PHF11: variants seen among roughly 807,000 people sequenced by gnomAD.
PHF11 encodes the protein PHD finger protein 11, also known as BRCA1 C-terminus-associated protein.
A neutral mutation model predicts 40.5 loss-of-function variants in PHF11; 38 were observed. The observed-to-expected ratio is 0.94, with a 90% confidence interval of 0.72 to 1.23. The LOEUF is 1.23. Ranked by LOEUF, PHF11 falls within the 50% of genes most tolerant of loss-of-function variation. PHF11 has a pLI of 0.00. For missense variants in PHF11, 369 were observed against 392.4 expected (o/e 0.94, Z 0.50); for synonymous variants, 127 against 138.2 (o/e 0.92, Z 0.57).
At chr13:49,508,071 A>G (rs1348493332) in intron 2 of PHF11, among the ~76,000 whole-genome samples, 1 of 148,812 alleles carries the variant, frequency 6.7e-6, no homozygotes, top group Non-Finnish European at 1.5e-5. Context: ...AGACACATTC[A>G]TATATTATAA....
intron 1 of PHF11, among the ~76,000 whole-genome samples, chr13:49,501,024 T>G (rs1227380211): frequency 6.8e-6 from 1 of 147,342 alleles, no homozygotes; most frequent in Non-Finnish European, 1.5e-5. Context: ...TTGGTTTTTT[T>G]TTTTCTGAAA....
intron 2 of PHF11, among the ~76,000 whole-genome samples, chr13:49,510,535 T>C (rs1959069365): frequency 6.6e-6 from 1 of 152,040 alleles, no homozygotes; most frequent in Admixed American, 6.6e-5. Context: ...TGGAATGGAG[T>C]GGCATAATCA....
chr13:49,521,025 C>A, intron 5 of PHF11, 85 bp downstream of exon 5: 3 of 1,447,968 alleles, frequency 2.1e-6, no homozygotes, highest in South Asian at 1.4e-5. Context: ...TTTCTAGCCT[C>A]GTTGAATTAA....
chr13:49,511,487 C>T (rs1184519837), intron 2 of PHF11, among the ~76,000 whole-genome samples: 1 of 152,064 alleles, frequency 6.6e-6, no homozygotes, highest in African/African-American at 2.4e-5. Flanking sequence ...CCACCATGCC[C>T]AGCTAATTTT....
chr13:49,528,404 C>T (rs781089053), intron 9 of PHF11, 107 bp from the exon 10 acceptor site: 6 of 758,784 alleles, frequency 7.9e-6, no homozygotes, highest in Non-Finnish European at 1.2e-5. Context: ...ACCAGAGGCA[C>T]GAGGATTGTG....
At chr13:49,496,830 C>CA (rs1555275245) in intron 1 of PHF11, among the ~76,000 whole-genome samples, 39 of 88,050 alleles carry the variant, frequency 4.4e-4, no homozygotes, top group Non-Finnish European at 5.3e-4. Context: ...TGGGCTTACC[C>CA]TTTTTTTTTT....
At chr13:49,508,337 TATATTAC>T (rs1306758030) in intron 2 of PHF11, among the ~76,000 whole-genome samples, 3 of 146,754 alleles carry the variant, frequency 2.0e-5, no homozygotes, top group African/African-American at 5.0e-5. Flanking sequence ...ACTATATTCA[TATATTAC>T]TATATTCATA....
At chr13:49,513,201 GA>G (rs770026867) in intron 3 of PHF11, 35 bp downstream of exon 3, 11 of 988,346 alleles carry the variant, frequency 1.1e-5, no homozygotes, top group Non-Finnish European at 1.8e-5. Flanking sequence ...TATACTGGAT[GA>G]ACAGACCCTC....
chr13:49,510,516 TC>T (rs1959069061), intron 2 of PHF11, among the ~76,000 whole-genome samples: 1 of 152,100 alleles, frequency 6.6e-6, no homozygotes, highest in South Asian at 2.1e-4. Flanking sequence ...AGACAAGGTC[TC>T]CCCAGGCTGG....
At position 49,520,766 on chromosome 13, in the gene PHF11, A is replaced by G. The variant is rs1417013448; in HGVS notation, c.459-128A>G. ...TCACTAATTTTACACAGGGCTTCAA[A>G]AAAAAAAACTTTAGTGTGACGCCGT... On this transcript the variant is annotated intron_variant, in intron 4 of 9. Coordinates refer to ENST00000378319, the MANE Select transcript of PHF11 (RefSeq NM_001040443.3). The G allele has an allele frequency of 1.3e-5, 8 of 627,126 alleles. No individual in the cohort carries two copies. The East Asian group carries it at 2.3e-4, about 18-fold the overall frequency. 38.8% of individuals were successfully genotyped at this position (627,126 alleles called of 1,614,324 possible).
At chr13:49,497,121 C>T in intron 1 of PHF11, 2 of 1,289,194 alleles carry the variant, frequency 1.6e-6, no homozygotes, top group Non-Finnish European at 2.0e-6. Flanking sequence ...GACACAAAGG[C>T]ACCAAACCAC....
chr13:49,518,250 G>A (rs1959171159), intron 4 of PHF11, 99 bp downstream of exon 4: 1 of 818,998 alleles, frequency 1.2e-6, no homozygotes, highest in Non-Finnish European at 1.9e-6. Flanking sequence ...TTATGTAAAT[G>A]GTTTTCAAAT....
At chr13:49,511,327 CT>C (rs10627347) in intron 2 of PHF11, among the ~76,000 whole-genome samples, 4,772 of 125,824 alleles carry the variant, frequency 0.038, 203 homozygotes, top group African/African-American at 0.13. Flanking sequence ...TGTTCAATGG[CT>C]TTTTTTTTTT....
intron 5 of PHF11, chr13:49,521,579 C>G (rs921497514): frequency 6.1e-6 from 4 of 656,368 alleles, no homozygotes; most frequent in South Asian, 6.7e-5. Flanking sequence ...AAGGCTATTA[C>G]AGATACTTCT....
chr13:49,496,369 G>T, intron 1 of PHF11: 1 of 1,155,952 alleles, frequency 8.7e-7, no homozygotes, highest in African/African-American at 1.6e-5. Context: ...GGCACGCTTC[G>T]GTTTACCTCC....
intron 8 of PHF11, chr13:49,526,099 G>A (rs1274603709): frequency 8.3e-6 from 3 of 363,226 alleles, no homozygotes; most frequent in Non-Finnish European, 1.5e-5. Context: ...AACCCAGGAG[G>A]CAGAGGTTGC....
At chr13:49,496,337 C>T in intron 1 of PHF11, 2 of 1,048,026 alleles carry the variant, frequency 1.9e-6, no homozygotes, top group Non-Finnish European at 2.4e-6. Flanking sequence ...CTCTGACTGC[C>T]CATGGTTTCG....
intron 9 of PHF11, 71 bp downstream of exon 9, chr13:49,526,529 C>T: frequency 3.5e-6 from 3 of 854,554 alleles, no homozygotes; most frequent in Non-Finnish European, 6.0e-6. Context: ...AAACAATATA[C>T]TGTACAGGTG....
chr13:49,525,960 G>A (rs1959251925), intron 8 of PHF11: 2 of 337,304 alleles, frequency 5.9e-6, no homozygotes, highest in East Asian at 1.7e-4. Flanking sequence ...TCTGTGGTCA[G>A]CAGTTCGAGA....
Sources: gnomAD v4.1 joint callset for allele counts (sites outside exome capture counted in the v4.1 genomes callset) on GRCh38, gnomAD v4.1.1 for gene constraint, MANE v1.5 for transcripts, NCBI Gene and HGNC (gene_info 2026-07-23, HGNC 2026-07-21) for gene names.